Variants in PLXNA4 observed in about 807,000 individuals in gnomAD.
PLXNA4 encodes the protein plexin-A4.
Under a neutral mutation model 191.8 loss-of-function variants are expected in PLXNA4, and 44 were observed. The observed-to-expected ratio is 0.23, with a 90% confidence interval of 0.18 to 0.29. The LOEUF (loss-of-function observed/expected upper bound fraction) is 0.29, where lower values mean the gene tolerates loss of function less well. Ranked by LOEUF, PLXNA4 falls within the 10% of genes least tolerant of loss-of-function variation. PLXNA4 has a pLI of 1.00. For missense variants in PLXNA4, 1,800 were observed against 2,488.8 expected, an observed-to-expected ratio of 0.72 and a Z score of 5.89; for synonymous variants, 1,082 against 1,009.5, an observed-to-expected ratio of 1.07 and a Z score of -1.36.
At chr7:132,556,596 C>G (rs1372546305) in intron 1 of PLXNA4, among the ~76,000 whole-genome samples, 1 of 152,256 alleles carries the variant, frequency 6.6e-6, no homozygotes, top group Admixed American at 6.5e-5. Flanking sequence ...CCAGACCTGT[C>G]TGCCTCCAAA....
intron 2 of PLXNA4, among the ~76,000 whole-genome samples, chr7:132,609,623 A>G (rs1266284246): frequency 6.6e-6 from 1 of 152,208 alleles, no homozygotes; most frequent in Admixed American, 6.5e-5. Context: ...ACTGAATTAG[A>G]CTAATAGATA....
At chr7:132,200,863 G>A (rs1797411602) in intron 12 of PLXNA4, among the ~76,000 whole-genome samples, 1 of 152,246 alleles carries the variant, frequency 6.6e-6, no homozygotes, top group African/African-American at 2.4e-5. Flanking sequence ...TAGAGTATGT[G>A]TGCCTCTCTG....
At chr7:132,364,719 G>A (rs1366378011) in intron 3 of PLXNA4, among the ~76,000 whole-genome samples, 1 of 152,196 alleles carries the variant, frequency 6.6e-6, no homozygotes, top group African/African-American at 2.4e-5. Context: ...GAGAATGACG[G>A]TTCCTTTTTC....
chr7:132,439,558 T>C (rs966983329), intron 3 of PLXNA4, among the ~76,000 whole-genome samples: 1 of 152,106 alleles, frequency 6.6e-6, no homozygotes, highest in African/African-American at 2.4e-5. Context: ...CCCTTCCCAG[T>C]CACCTTGGGT....
chr7:132,308,019 T>C (rs1480859698), intron 3 of PLXNA4, among the ~76,000 whole-genome samples: 1 of 152,054 alleles, frequency 6.6e-6, no homozygotes, highest in East Asian at 1.9e-4. Context: ...CCCTGCGATG[T>C]CCAAACCAAA....
At chr7:132,412,459 C>G (rs75271540) in intron 3 of PLXNA4, among the ~76,000 whole-genome samples, 1 of 152,038 alleles carries the variant, frequency 6.6e-6, no homozygotes. Flanking sequence ...TGGGCAAAGA[C>G]GAAGGGAGCA....
intron 3 of PLXNA4, among the ~76,000 whole-genome samples, chr7:132,458,848 C>T (rs752185210): frequency 2.6e-5 from 4 of 152,170 alleles, no homozygotes; most frequent in Non-Finnish European, 4.4e-5. Context: ...GAAACAGTCC[C>T]TCTGCCAAGC....
chr7:132,530,208 G>T (rs2116430592), intron 1 of PLXNA4, among the ~76,000 whole-genome samples: 1 of 152,262 alleles, frequency 6.6e-6, no homozygotes, highest in East Asian at 1.9e-4. Flanking sequence ...TCATTACCTT[G>T]ATTATAGTGA....
chr7:132,595,459 T>G (rs1029268954), intron 2 of PLXNA4, among the ~76,000 whole-genome samples: 4 of 152,168 alleles, frequency 2.6e-5, no homozygotes, highest in African/African-American at 9.7e-5. Context: ...AATAAGGAAT[T>G]CTGTGCGCAT....
At chr7:132,516,638 A>C (rs1009983172) in intron 1 of PLXNA4, among the ~76,000 whole-genome samples, 1 of 152,212 alleles carries the variant, frequency 6.6e-6, no homozygotes, top group African/African-American at 2.4e-5. Context: ...GGCTGGGTGC[A>C]AAGGATAGAT....
At chr7:132,354,596 G>A (rs1460118844) in intron 3 of PLXNA4, among the ~76,000 whole-genome samples, 1 of 152,214 alleles carries the variant, frequency 6.6e-6, no homozygotes, top group Non-Finnish European at 1.5e-5. Flanking sequence ...GCTCTTGGAT[G>A]TGCTTTTTTG....
chr7:132,401,135 A>G (rs1398239413), intron 3 of PLXNA4, among the ~76,000 whole-genome samples: 1 of 152,214 alleles, frequency 6.6e-6, no homozygotes, highest in African/African-American at 2.4e-5. Context: ...CCAATGCAAA[A>G]AACTGGTGAA....
intron 25 of PLXNA4, among the ~76,000 whole-genome samples, chr7:132,151,406 AGGAAGG>A (rs1368935253): frequency 3.5e-5 from 2 of 56,484 alleles, no homozygotes; most frequent in African/African-American, 1.8e-4. Flanking sequence ...GAGGAGGAGG[AGGAAGG>A]AGGAGGAGGA....
At chr7:132,345,501 T>A (rs1803210146) in intron 3 of PLXNA4, among the ~76,000 whole-genome samples, 1 of 152,234 alleles carries the variant, frequency 6.6e-6, no homozygotes, top group Admixed American at 6.5e-5. Context: ...CCTAGCTTGC[T>A]ATGTTATTGT....
At chr7:132,191,575 C>G (rs1017343434) in intron 14 of PLXNA4, among the ~76,000 whole-genome samples, 1 of 152,134 alleles carries the variant, frequency 6.6e-6, no homozygotes, top group African/African-American at 2.4e-5. Context: ...GCCCTGTCCA[C>G]TTTATCATTC....
intron 4 of PLXNA4, among the ~76,000 whole-genome samples, chr7:132,286,008 A>C (rs1800670301): frequency 6.7e-6 from 1 of 150,252 alleles, no homozygotes; most frequent in Non-Finnish European, 1.5e-5. Flanking sequence ...GAGTCCTTGT[A>C]ATGACCTCAC....
intron 2 of PLXNA4, among the ~76,000 whole-genome samples, chr7:132,630,357 G>T (rs1803470606): frequency 6.6e-6 from 1 of 152,196 alleles, no homozygotes; most frequent in South Asian, 2.1e-4. Context: ...TATTGCCTCT[G>T]ACTTCTGATT....
intron 3 of PLXNA4, among the ~76,000 whole-genome samples, chr7:132,365,360 T>TGTGCACGC: frequency 7.8e-6 from 1 of 128,742 alleles, no homozygotes; most frequent in Non-Finnish European, 1.7e-5. Context: ...TGTGTGTGTG[T>TGTGCACGC]GCGTGCGCGC....
intron 3 of PLXNA4, among the ~76,000 whole-genome samples, chr7:132,348,079 G>C (rs866471243): frequency 6.6e-5 from 10 of 152,246 alleles, no homozygotes; most frequent in Middle Eastern, 6.8e-3. Context: ...GGAGGTGTCA[G>C]ATATCAACCT....
Sources: allele counts gnomAD v4.1 joint callset (sites outside exome capture counted in the v4.1 genomes callset), GRCh38; gene constraint gnomAD v4.1.1; transcripts MANE v1.5; gene names NCBI Gene and HGNC (gene_info 2026-07-23, HGNC 2026-07-21).